The following THSD7B variants were observed in gnomAD, a reference collection of about 807,000 sequenced individuals.
THSD7B encodes the protein thrombospondin type 1 domain containing 7B.
THSD7B carries 138 observed loss-of-function variants against 213.6 expected under a neutral mutation model. That is an observed-to-expected ratio of 0.65 (90% confidence interval 0.56 to 0.74). THSD7B has a LOEUF of 0.74. THSD7B is among the 30% of genes least tolerant of loss of function. THSD7B has a pLI of 0.00. For missense variants in THSD7B, 1,931 were observed against 1,991.5 expected, an observed-to-expected ratio of 0.97 and a Z score of 0.58; for synonymous variants, 742 against 687.0, an observed-to-expected ratio of 1.08 and a Z score of -1.25.
intron 7 of THSD7B, among the ~76,000 whole-genome samples, chr2:137,189,365 A>G (rs1276259030): frequency 6.6e-6 from 1 of 152,194 alleles, no homozygotes; most frequent in African/African-American, 2.4e-5. Context: ...CTGTATACAT[A>G]GGCCCTGTAA....
Position 137,275,926 on chromosome 2 carries a change from G to GATTACCAA in THSD7B, c.2401_2402insTTACCAAA (p.Lys801IlefsTer13). 6.2e-7 allele frequency: 1 copy of GATTACCAA among 1,610,610 alleles called. No individual in the cohort carries two copies. Among genetic ancestry groups the GATTACCAA allele is most frequent in the Non-Finnish European group, 8.5e-7 (1 of 1,178,190 alleles). On this transcript the variant is annotated frameshift_variant, in exon 12 of 28. Transcript: ENST00000409968. LOFTEE classifies it high-confidence loss of function. ...CCATCGTTTTTGGTAATCACAGGTG[G>GATTACCAA]AAGCCACAGAAATGGAGCCCTTGCA...
At chr2:137,269,451 T>C (rs1359486133) in intron 10 of THSD7B, among the ~76,000 whole-genome samples, 1 of 152,238 alleles carries the variant, frequency 6.6e-6, no homozygotes, top group Non-Finnish European at 1.5e-5. Context: ...ATCCATGCTG[T>C]ATATGTAGTC....
chr2:137,619,109 C>T (rs563862125), intron 19 of THSD7B, among the ~76,000 whole-genome samples: 2 of 152,180 alleles, frequency 1.3e-5, no homozygotes, highest in Admixed American at 1.3e-4. Flanking sequence ...AGACCTTTTC[C>T]AAAGAAGTTG....
At chr2:136,813,875 T>C (rs1682428290) in intron 1 of THSD7B, among the ~76,000 whole-genome samples, 1 of 152,208 alleles carries the variant, frequency 6.6e-6, no homozygotes, top group Non-Finnish European at 1.5e-5. Flanking sequence ...TCTCCTTTTA[T>C]TCTCATAAGA....
intron 1 of THSD7B, among the ~76,000 whole-genome samples, chr2:136,847,104 A>G (rs1382736505): frequency 2.0e-5 from 3 of 152,166 alleles, no homozygotes; most frequent in Non-Finnish European, 4.4e-5. Flanking sequence ...CTTCATTTGG[A>G]TGGAAATAGT....
intron 10 of THSD7B, among the ~76,000 whole-genome samples, chr2:137,258,257 T>A (rs1311353499): frequency 6.6e-6 from 1 of 152,214 alleles, no homozygotes; most frequent in African/African-American, 2.4e-5. Flanking sequence ...GATATAAAGA[T>A]ATTAGCCTAT....
chr2:137,424,654 GA>G (rs1390020481), intron 14 of THSD7B, among the ~76,000 whole-genome samples: 9 of 152,130 alleles, frequency 5.9e-5, no homozygotes, highest in African/African-American at 1.9e-4. Context: ...AATAGATAAA[GA>G]AAAAATATTT....
chr2:137,397,822 G>T (rs1254903374), intron 12 of THSD7B, among the ~76,000 whole-genome samples: 1 of 143,692 alleles, frequency 7.0e-6, no homozygotes, highest in Admixed American at 7.0e-5. Context: ...CGTAGATTTG[G>T]TCTTTTCACA....
chr2:136,793,449 G>A (rs1306811449), intron 1 of THSD7B, among the ~76,000 whole-genome samples: 1 of 151,920 alleles, frequency 6.6e-6, no homozygotes, highest in Non-Finnish European at 1.5e-5. Flanking sequence ...TATCATATAC[G>A]TAGTTCATAA....
In THSD7B at chr2:137,581,342, C is replaced by T. The variant is rs558462207; in HGVS notation, c.3423+8786C>T. Among the ~76,000 whole-genome samples, 703 of 152,208 alleles carry T rather than the reference C, an allele frequency of 4.6e-3. 6 individuals are homozygous for T. Among genetic ancestry groups the T allele is most frequent in the African/African-American group, 0.016 (677 of 41,544 alleles). On this transcript the variant is annotated intron_variant, in intron 17 of 27. Coordinates refer to ENST00000409968, the MANE Select transcript of THSD7B (RefSeq NM_001316349.2). ...GTGGTTCACGCCTGTAATCCCAGCA[C>T]TTTGGGAGGCCAAGGCGGGCAGATC... is the stretch of plus-strand genomic sequence containing the variant.
intron 2 of THSD7B, among the ~76,000 whole-genome samples, chr2:137,051,778 T>C (rs1438130737): frequency 6.6e-6 from 1 of 152,188 alleles, no homozygotes; most frequent in East Asian, 1.9e-4. Flanking sequence ...CCACTTCAAA[T>C]AGTGACCAGT....
chr2:137,560,211 G>A (rs1463388520), intron 15 of THSD7B, among the ~76,000 whole-genome samples: 3 of 152,112 alleles, frequency 2.0e-5, no homozygotes, highest in Non-Finnish European at 4.4e-5. Context: ...CCATTGCTGG[G>A]TATATACCCA....
chr2:137,153,836 AT>A (rs1166445278), intron 5 of THSD7B, among the ~76,000 whole-genome samples: 2 of 152,148 alleles, frequency 1.3e-5, no homozygotes, highest in African/African-American at 4.8e-5. Flanking sequence ...CTCAAAAATC[AT>A]TTAGAAAGTA....
At chr2:137,327,113 G>C (rs1357351214) in intron 12 of THSD7B, among the ~76,000 whole-genome samples, 3 of 152,130 alleles carry the variant, frequency 2.0e-5, no homozygotes, top group Non-Finnish European at 4.4e-5. Flanking sequence ...TCCAATGAAG[G>C]CTTAGTGTAC....
intron 2 of THSD7B, among the ~76,000 whole-genome samples, chr2:137,039,109 T>C (rs375718683): frequency 1.8e-4 from 28 of 152,332 alleles, no homozygotes; most frequent in South Asian, 1.0e-3. Context: ...AAGTTGAACT[T>C]GGCCTGCTGA....
intron 5 of THSD7B, among the ~76,000 whole-genome samples, chr2:137,121,049 G>T (rs754656226): frequency 1.3e-5 from 2 of 152,106 alleles, no homozygotes; most frequent in Non-Finnish European, 2.9e-5. Context: ...GATTGCATTT[G>T]TATCTAAGTT....
chr2:137,675,643 T>C (rs1257366742), intron 27 of THSD7B, among the ~76,000 whole-genome samples: 2 of 151,990 alleles, frequency 1.3e-5, no homozygotes, highest in East Asian at 1.9e-4. Flanking sequence ...GTGTAAAACA[T>C]TCAGCACAGA....
At chr2:136,905,835 G>A (rs542886199) in intron 2 of THSD7B, among the ~76,000 whole-genome samples, 1 of 152,326 alleles carries the variant, frequency 6.6e-6, no homozygotes, top group Middle Eastern at 3.4e-3. Flanking sequence ...CAGTCAGATC[G>A]AAAAAGACAG....
chr2:137,405,722 A>G lies in THSD7B; in HGVS notation c.2610A>G (p.Glu870=). ...AAGAATGCACAGTCCCATGTCGAGA[A>G]GACTGCACCTTCACTGCTTGGTCCA... ...LVQECTVPCR[E]DCTFTAWSKF... is the part of the protein sequence containing the mutation. The change falls in exon 13 of 28, where the codon GAA becomes GAG. Residue 870 remains glutamate (E), a synonymous_variant. Transcript: ENST00000409968. The G allele has an allele frequency of 6.2e-7, 1 of 1,613,832 alleles. No homozygotes were observed. The highest frequency in any genetic ancestry group is 8.5e-7 in the Non-Finnish European group (1 of 1,179,842).
Sources: gnomAD v4.1 joint callset for allele counts (sites outside exome capture counted in the v4.1 genomes callset) on GRCh38, gnomAD v4.1.1 for gene constraint, MANE v1.5 for transcripts, NCBI Gene and HGNC (gene_info 2026-07-23, HGNC 2026-07-21) for gene names.